The following KAT14 variants were observed in gnomAD, a reference collection of about 807,000 sequenced individuals.
KAT14 encodes the protein cysteine-rich protein 2-binding protein.
A neutral mutation model predicts 78.4 loss-of-function variants in KAT14; 66 were observed. That is an observed-to-expected ratio of 0.84 (90% confidence interval 0.69 to 1.03). KAT14 has a LOEUF of 1.03. Ranked by LOEUF, KAT14 falls within the 50% of genes least tolerant of loss-of-function variation. The pLI, the probability that KAT14 is intolerant of heterozygous loss-of-function variation, is 0.00. For synonymous variants in KAT14, 344 were observed against 359.4 expected (o/e 0.96, Z 0.48); for missense variants, 870 against 972.5 (o/e 0.89, Z 1.40).
Position 18,150,897 on chromosome 20 carries a change from T to C in KAT14, c.455T>C (p.Ile152Thr), listed in dbSNP as rs1296986028. The C allele has an allele frequency of 1.9e-6, 3 of 1,614,122 alleles. No homozygotes were observed. Among genetic ancestry groups the C allele is most frequent in the Non-Finnish European group, 1.7e-6 (2 of 1,180,050 alleles). Residue 152 changes from isoleucine (I) to threonine (T), a missense_variant, in exon 4 of 11, where the codon ATC (isoleucine) becomes ACC (threonine). By Grantham distance (89) the Ile-to-Thr change is moderately conservative (BLOSUM62 -1). Coordinates refer to ENST00000688188, the MANE Select transcript of KAT14 (RefSeq NM_001392073.1). ...GGTTATTTCAGGTGGAAAGAAGATATCTGTGCTTTTATTGAGAAACATTGG... is the reference window on the plus strand; with the variant it reads ...GGTTATTTCAGGTGGAAAGAAGATACCTGTGCTTTTATTGAGAAACATTGG... ...RQGYFRWKED[I>T]CAFIEKHWTF...
intron 3 of KAT14, among the ~76,000 whole-genome samples, chr20:18,147,963 T>TA (rs758673513): frequency 9.9e-5 from 15 of 152,220 alleles, no homozygotes; most frequent in Non-Finnish European, 1.6e-4. Flanking sequence ...TGGTGGATAC[T>TA]AACCTGGTAG....
At chr20:18,182,997 G>T in intron 8 of KAT14, 126 bp from the exon 9 acceptor site, 1 of 1,323,816 alleles carries the variant, frequency 7.6e-7, no homozygotes, top group South Asian at 1.6e-5. Flanking sequence ...AGCCAGCTTC[G>T]TGTAAAACAG....
At chr20:18,158,935 G>C in intron 4 of KAT14, 149 bp from the exon 5 acceptor site, 1 of 958,040 alleles carries the variant, frequency 1.0e-6, no homozygotes, top group East Asian at 3.0e-5. Context: ...GCGAACTCCA[G>C]AGCCTCTCTC....
At chr20:18,159,379 A>G (rs2038339378) in intron 5 of KAT14, 114 bp downstream of exon 5, 2 of 1,175,476 alleles carry the variant, frequency 1.7e-6, no homozygotes. Context: ...CTCTGGAGCT[A>G]CTCTGTTTAA....
At chr20:18,168,081 C>T (rs192001467) in intron 7 of KAT14, among the ~76,000 whole-genome samples, 11 of 152,126 alleles carry the variant, frequency 7.2e-5, no homozygotes, top group African/African-American at 1.4e-4. Context: ...AAAACTTATA[C>T]GACTAAGAAT....
chr20:18,174,026 C>T (rs2038947455), intron 7 of KAT14, among the ~76,000 whole-genome samples: 1 of 152,182 alleles, frequency 6.6e-6, no homozygotes, highest in Non-Finnish European at 1.5e-5. Flanking sequence ...CTTTCTGCCT[C>T]TGTAGATTTA....
At chr20:18,161,371 G>T (rs1187978098) in intron 5 of KAT14, among the ~76,000 whole-genome samples, 8 of 152,054 alleles carry the variant, frequency 5.3e-5, no homozygotes, top group Non-Finnish European at 1.2e-4. Flanking sequence ...TTTAATGTTT[G>T]CCAGTTCCAG....
intron 7 of KAT14, among the ~76,000 whole-genome samples, chr20:18,176,249 C>T (rs1397342635): frequency 7.0e-6 from 1 of 142,798 alleles, no homozygotes; most frequent in African/African-American, 2.6e-5. Context: ...TGCAGTGAGC[C>T]GAGATGACAC....
intron 3 of KAT14, 104 bp downstream of exon 3, chr20:18,145,455 G>A (rs1259071646): frequency 3.4e-6 from 5 of 1,487,958 alleles, no homozygotes; most frequent in Non-Finnish European, 4.6e-6. Context: ...TTGTTTGGAG[G>A]GGCACTTTTT....
chr20:18,138,083 C>T (rs967428843), intron 1 of KAT14, 32 bp downstream of exon 1: 2 of 1,437,230 alleles, frequency 1.4e-6, no homozygotes, highest in African/African-American at 1.5e-5. Context: ...CTTCCGGGCC[C>T]GCGCGCGCGG....
chr20:18,142,579 C>A lies in KAT14; in HGVS notation c.-82C>A. Reference sequence around the variant, plus strand: ...TTTGGAAGAGTCTGTCTGGGTGATCCTGGTAGAAGCCCCATTAGGGTCACT... The same window carrying A: ...TTTGGAAGAGTCTGTCTGGGTGATCATGGTAGAAGCCCCATTAGGGTCACT... On this transcript the variant is annotated 5_prime_UTR_variant, in exon 2 of 11. The change creates a new upstream start codon in the 5' untranslated region. Coordinates refer to ENST00000688188, the MANE Select transcript of KAT14 (RefSeq NM_001392073.1). 6.4e-7 allele frequency: 1 copy of A among 1,571,520 alleles called. No homozygotes were observed. The highest frequency in any genetic ancestry group is 8.6e-7 in the Non-Finnish European group (1 of 1,156,976).
At chr20:18,163,065 AAAAGT>A (rs1456444368) in intron 7 of KAT14, 120 bp downstream of exon 7, 4 of 1,325,242 alleles carry the variant, frequency 3.0e-6, no homozygotes, top group Admixed American at 5.8e-5. Context: ...TTGGGAAGAG[AAAAGT>A]AAAGTGCAAG....
intron 5 of KAT14, among the ~76,000 whole-genome samples, chr20:18,160,698 C>G (rs2038387517): frequency 6.6e-6 from 1 of 152,084 alleles, no homozygotes; most frequent in Non-Finnish European, 1.5e-5. Context: ...CCTCCAGCCT[C>G]TCCTTCCAAA....
chr20:18,178,173 C>T (rs926324609), intron 7 of KAT14, among the ~76,000 whole-genome samples: 9 of 151,006 alleles, frequency 6.0e-5, no homozygotes, highest in Non-Finnish European at 1.0e-4. Context: ...AAAAGGGAAA[C>T]AGAACATAAA....
At chr20:18,145,408 G>C in intron 3 of KAT14, 57 bp downstream of exon 3, 1 of 1,595,644 alleles carries the variant, frequency 6.3e-7, no homozygotes, top group South Asian at 1.1e-5. Context: ...GAGTTTGTTG[G>C]AACGAATATC....
chr20:18,181,985 C>T (rs1184077053), intron 8 of KAT14, 139 bp downstream of exon 8: 4 of 1,312,120 alleles, frequency 3.0e-6, no homozygotes, highest in Non-Finnish European at 4.1e-6. Context: ...TTCTGTGCTT[C>T]ACCTCCAGTT....
intron 1 of KAT14, among the ~76,000 whole-genome samples, chr20:18,139,270 CT>C (rs1362419407): frequency 6.6e-6 from 1 of 152,166 alleles, no homozygotes; most frequent in Non-Finnish European, 1.5e-5. Context: ...AGGCAGAAGA[CT>C]TCCGCCTCTT....
chr20:18,138,643 C>T, intron 1 of KAT14: 1 of 197,930 alleles, frequency 5.1e-6, no homozygotes, highest in Non-Finnish European at 9.1e-6. Context: ...TTTAAATGAA[C>T]AGTTTGCTAT....
At position 18,187,682 on chromosome 20, in the gene KAT14, A is replaced by C; in HGVS notation, c.*223A>C. ...CTTCCTGGAGATGCCTTCAGCCAGC[A>C]TCCCAGACTCCACAGTTATTTATGA... On this transcript the variant is annotated 3_prime_UTR_variant, in exon 11 of 11. Transcript: ENST00000688188. The C allele has an allele frequency of 1.8e-6, 1 of 559,482 alleles. No homozygotes were observed. Among genetic ancestry groups the C allele is most frequent in the Non-Finnish European group, 3.0e-6 (1 of 331,852 alleles). 34.7% of individuals were successfully genotyped at this position (559,482 alleles called of 1,614,324 possible). A position where few individuals can be genotyped will look rare whatever the true frequency, so the allele number is the denominator to read the frequency against.
Sources: gnomAD v4.1 joint callset for allele counts (sites outside exome capture counted in the v4.1 genomes callset) on GRCh38, gnomAD v4.1.1 for gene constraint, MANE v1.5 for transcripts, NCBI Gene and HGNC (gene_info 2026-07-23, HGNC 2026-07-21) for gene names.